Variants in GABRG3 observed in about 807,000 individuals in gnomAD.
GABRG3 encodes gamma-aminobutyric acid receptor subunit gamma-3.
Under a neutral mutation model 48.8 loss-of-function variants are expected in GABRG3, and 25 were observed. The ratio of observed to expected loss-of-function variants is 0.51; its 90% CI spans 0.37 to 0.72. GABRG3 has a LOEUF of 0.72. Among genes scored for constraint, GABRG3 ranks in the 30% least tolerant of loss-of-function variants. GABRG3 has a pLI of 0.00. For missense variants in GABRG3, 394 were observed against 577.9 expected, an observed-to-expected ratio of 0.68 and a Z score of 3.26; for synonymous variants, 227 against 217.6, an observed-to-expected ratio of 1.04 and a Z score of -0.38.
At chr15:27,080,966 C>T (rs891799) in intron 3 of GABRG3, among the ~76,000 whole-genome samples, 74,199 of 152,006 alleles carry the variant, frequency 0.49, 19,287 homozygotes, top group African/African-American at 0.68. Context: ...GGGAGGGGGA[C>T]AGAGACCTCT....
rs369883263 is a variant in GABRG3, at chr15:27,193,014, G to T, written c.271-133795G>T. Reference sequence around the variant, plus strand: ...CCTGTTTGCCTGGGTATCAGCAGCGGTGTCTGCAGAACAGTGGTTTTTCGT... The same window carrying T: ...CCTGTTTGCCTGGGTATCAGCAGCGTTGTCTGCAGAACAGTGGTTTTTCGT... On this transcript the variant is annotated intron_variant, in intron 3 of 9. Transcript: ENST00000615808. 5.1e-4 allele frequency among the ~76,000 whole-genome samples: 77 copies of T among 152,310 alleles called. No homozygotes were observed. The East Asian group carries it at 0.013, about 26-fold the overall frequency.
intron 5 of GABRG3, among the ~76,000 whole-genome samples, chr15:27,381,218 G>T (rs911053999): frequency 1.3e-5 from 2 of 152,150 alleles, no homozygotes; most frequent in Non-Finnish European, 2.9e-5. Flanking sequence ...CTCCAACTTG[G>T]TTTGGCTCTG....
chr15:27,004,081 C>A (rs1362362997), intron 2 of GABRG3, among the ~76,000 whole-genome samples: 1 of 146,702 alleles, frequency 6.8e-6, no homozygotes, highest in Non-Finnish European at 1.5e-5. Context: ...GGGGGGCTGA[C>A]CCCCCTACCT....
At chr15:27,435,274 C>G (rs1888577400) in intron 5 of GABRG3, among the ~76,000 whole-genome samples, 1 of 151,294 alleles carries the variant, frequency 6.6e-6, no homozygotes, top group Non-Finnish European at 1.5e-5. Flanking sequence ...ATTTTTCCCT[C>G]TAGCAGAGTT....
rs560275703 is a variant in GABRG3, at chr15:27,153,878, C to T, written c.270+127057C>T. On this transcript the variant is annotated intron_variant, in intron 3 of 9. Coordinates refer to ENST00000615808, the MANE Select transcript of GABRG3 (RefSeq NM_033223.5). The stretch of plus-strand genomic sequence containing the variant: ...GTGTCATATCTGAATCATTCTACTC[C>T]GATGTTTGCTTTCTCTCTTCAGATT... Among the ~76,000 whole-genome samples the T allele has an allele frequency of 1.9e-4, 29 of 152,182 alleles. No individual in the cohort carries two copies. The Middle Eastern group carries it at 0.01, about 54-fold the overall frequency.
intron 3 of GABRG3, among the ~76,000 whole-genome samples, chr15:27,251,730 A>G (rs958623920): frequency 6.6e-6 from 1 of 152,214 alleles, no homozygotes; most frequent in African/African-American, 2.4e-5. Flanking sequence ...CTTTATGTCT[A>G]CACAGTGCAC....
intron 9 of GABRG3, among the ~76,000 whole-genome samples, chr15:27,529,390 T>C (rs185591386): frequency 2.0e-5 from 3 of 152,334 alleles, no homozygotes; most frequent in Non-Finnish European, 4.4e-5. Flanking sequence ...ATAATGACTT[T>C]TATTCCTTTA....
chr15:27,015,818 G>A (rs1337140706), intron 2 of GABRG3, among the ~76,000 whole-genome samples: 1 of 151,836 alleles, frequency 6.6e-6, no homozygotes, highest in Non-Finnish European at 1.5e-5. Flanking sequence ...AACTTCAATT[G>A]CATATAAAAA....
At chr15:27,363,787 G>T (rs1290943090) in intron 5 of GABRG3, 1 of 152,162 alleles carries the variant, frequency 6.6e-6, no homozygotes, top group African/African-American at 2.4e-5. Context: ...TATTCTAGGG[G>T]ATATCAGCAT....
rs142027824 is a variant in GABRG3, at chr15:27,227,248, G to C, written c.271-99561G>C. Among the ~76,000 whole-genome samples the C allele has an allele frequency of 1.0e-3, 154 of 152,298 alleles. 1 individual carries two copies. The highest frequency in any genetic ancestry group is 3.6e-3 in the African/African-American group (150 of 41,570). On this transcript the variant is annotated intron_variant, in intron 3 of 9. Transcript: ENST00000615808. ...TGCCTGTAATCCCAGGGCTTTGGGA[G>C]GCCAAGGTAGGAGGATCACTTGAAC...
chr15:27,083,693 A>C (rs1341415279), intron 3 of GABRG3, among the ~76,000 whole-genome samples: 2 of 152,026 alleles, frequency 1.3e-5, no homozygotes, highest in Non-Finnish European at 2.9e-5. Flanking sequence ...TGGCCAAAAA[A>C]CCATGGCCTC....
Position 27,527,628 on chromosome 15 carries a change from C to T in GABRG3, c.1061C>T (p.Ser354Leu), listed in dbSNP as rs372451105. 1.1e-5 allele frequency: 17 copies of T among 1,602,756 alleles called. No homozygotes were observed. The highest frequency in any genetic ancestry group is 2.2e-5 in the East Asian group (1 of 44,460). Residue 354 changes from serine (S) to leucine (L), a missense_variant and splice_region_variant, in exon 8 of 10, where the codon TCG (serine) becomes TTG (leucine). By Grantham distance (145) the Ser-to-Leu change is moderately radical (BLOSUM62 -2). This residue lies in a region of GABRG3 where 126 missense variants were observed against 155.5 expected (regional missense o/e 0.81). Coordinates refer to ENST00000615808, the MANE Select transcript of GABRG3 (RefSeq NM_033223.5). Reference protein sequence around the residue: ...RKPTTTKKTTSLLHPDSSRWI... With the variant: ...RKPTTTKKTTLLLHPDSSRWI... The stretch of plus-strand genomic sequence containing the variant: ...CCAACCACCACGAAGAAGACAACAT[C>T]GGTGAGCTGCAGTAGCAAAGGTTCT...
chr15:27,263,730 A>C (rs963270685), intron 3 of GABRG3, among the ~76,000 whole-genome samples: 1 of 152,050 alleles, frequency 6.6e-6, no homozygotes, highest in Admixed American at 6.6e-5. Flanking sequence ...AGGCTGAGAC[A>C]GTGCATATGG....
intron 6 of GABRG3, among the ~76,000 whole-genome samples, chr15:27,501,250 C>T: frequency 6.6e-6 from 1 of 152,082 alleles, no homozygotes; most frequent in Non-Finnish European, 1.5e-5. Flanking sequence ...CGTGCCCGGC[C>T]AAAGTAATGT....
At chr15:27,233,430 C>T (rs531690405) in intron 3 of GABRG3, among the ~76,000 whole-genome samples, 2 of 152,060 alleles carry the variant, frequency 1.3e-5, no homozygotes, top group South Asian at 2.1e-4. Context: ...TGACTTCTCA[C>T]GGTTCTGGAG....
At chr15:27,276,090 G>T (rs79471255) in intron 3 of GABRG3, among the ~76,000 whole-genome samples, 428 of 152,348 alleles carry the variant, frequency 2.8e-3, no homozygotes, top group African/African-American at 9.7e-3. Flanking sequence ...ATTCAGAGTT[G>T]CTTTAGTAAG....
intron 5 of GABRG3, among the ~76,000 whole-genome samples, chr15:27,438,155 A>G (rs1426904204): frequency 6.6e-6 from 1 of 152,204 alleles, no homozygotes; most frequent in Non-Finnish European, 1.5e-5. Flanking sequence ...GTCTTCCTGC[A>G]TGAACAGGAT....
chr15:27,459,975 G>A (rs1889399792), intron 5 of GABRG3, among the ~76,000 whole-genome samples: 1 of 152,110 alleles, frequency 6.6e-6, no homozygotes, highest in Non-Finnish European at 1.5e-5. Flanking sequence ...CTGACTTACA[G>A]GAGTCCCTCT....
At chr15:27,099,230 C>G (rs1188272791) in intron 3 of GABRG3, among the ~76,000 whole-genome samples, 1 of 152,186 alleles carries the variant, frequency 6.6e-6, no homozygotes, top group Non-Finnish European at 1.5e-5. Flanking sequence ...ACTCAAAGTG[C>G]TAAGCCACTC....
Sources: allele counts gnomAD v4.1 joint callset (sites outside exome capture counted in the v4.1 genomes callset), GRCh38; gene constraint gnomAD v4.1.1; regional missense constraint gnomAD v4.1.1; transcripts MANE v1.5; gene names NCBI Gene and HGNC (gene_info 2026-07-23, HGNC 2026-07-21).